The following CCSER1 variants were observed in gnomAD, a reference collection of about 807,000 sequenced individuals.
The protein encoded by CCSER1 is coiled-coil serine rich protein 1.
Under a neutral mutation model 82.0 loss-of-function variants are expected in CCSER1, and 41 were observed. The ratio of observed to expected loss-of-function variants is 0.50; its 90% CI spans 0.39 to 0.65. The LOEUF is 0.65. Ranked by LOEUF, CCSER1 falls within the 30% of genes least tolerant of loss-of-function variation. CCSER1 has a pLI of 0.00. For missense variants in CCSER1, 1,119 were observed against 1,064.2 expected (o/e 1.05, Z -0.72); for synonymous variants, 414 against 383.9 (o/e 1.08, Z -0.92).
rs763146569 is a variant in CCSER1 at position 90,623,304 on chromosome 4, G to A, written c.1725-4721G>A. ...CAACCTCGGCCTCCCAAAGTGCTGG[G>A]ATTACAGGCGTGAGCCACTGTGCCC... On this transcript the variant is annotated intron_variant, in intron 5 of 10. Transcript: ENST00000509176. Among the ~76,000 whole-genome samples, 29 of 152,146 alleles carry A rather than the reference G, an allele frequency of 1.9e-4. No individual in the cohort carries two copies. The Middle Eastern group carries it at 0.01, about 54-fold the overall frequency.
intron 10 of CCSER1, among the ~76,000 whole-genome samples, chr4:91,152,485 G>A (rs971971799): frequency 2.6e-5 from 4 of 152,114 alleles, no homozygotes; most frequent in African/African-American, 9.7e-5. Flanking sequence ...TTGCCAGTCT[G>A]TATCTTTTAA....
chr4:90,958,444 T>A (rs1051509670), intron 9 of CCSER1, among the ~76,000 whole-genome samples: 1 of 152,166 alleles, frequency 6.6e-6, no homozygotes, highest in Non-Finnish European at 1.5e-5. Flanking sequence ...TAAGGTTTCC[T>A]CTCTAGGGCT....
intron 1 of CCSER1, among the ~76,000 whole-genome samples, chr4:90,194,763 AC>A (rs1382637376): frequency 2.0e-5 from 3 of 152,116 alleles, no homozygotes; most frequent in Admixed American, 6.6e-5. Context: ...ATTGAAAAAA[AC>A]ATGCTAGCTT....
intron 5 of CCSER1, among the ~76,000 whole-genome samples, chr4:90,611,062 T>TTC (rs1785427104): frequency 7.7e-6 from 1 of 129,458 alleles, no homozygotes; most frequent in African/African-American, 3.2e-5. Context: ...TTCTTTTCTT[T>TTC]TTTTTTTTTT....
intron 9 of CCSER1, among the ~76,000 whole-genome samples, chr4:90,949,440 C>T (rs71611413): frequency 6.6e-6 from 1 of 151,876 alleles, no homozygotes; most frequent in African/African-American, 2.4e-5. Context: ...GAACATAATA[C>T]GGTAAATAGG....
chr4:91,371,094 C>A (rs1040408370), intron 10 of CCSER1, among the ~76,000 whole-genome samples: 1 of 152,078 alleles, frequency 6.6e-6, no homozygotes, highest in South Asian at 2.1e-4. Context: ...AACTCCTGAC[C>A]TCAGGTGATC....
At chr4:91,489,519 C>T (rs947186483) in intron 10 of CCSER1, among the ~76,000 whole-genome samples, 1 of 152,124 alleles carries the variant, frequency 6.6e-6, no homozygotes, top group African/African-American at 2.4e-5. Context: ...GATTAAGCTT[C>T]CTAGGCCGGG....
chr4:90,395,714 T>C (rs1390481857), intron 3 of CCSER1, among the ~76,000 whole-genome samples: 1 of 151,680 alleles, frequency 6.6e-6, no homozygotes, highest in African/African-American at 2.4e-5. Context: ...GTAATATGGG[T>C]GTCCTCTCAC....
chr4:90,254,358 T>A (rs1722898870), intron 1 of CCSER1, among the ~76,000 whole-genome samples: 1 of 152,114 alleles, frequency 6.6e-6, no homozygotes. Context: ...CTCTAATGAG[T>A]AGAATGCTTG....
intron 10 of CCSER1, among the ~76,000 whole-genome samples, chr4:91,438,515 A>G (rs548977591): frequency 6.6e-6 from 1 of 152,294 alleles, no homozygotes; most frequent in East Asian, 1.9e-4. Context: ...AAAGTAGATA[A>G]AACCACAAAG....
intron 10 of CCSER1, among the ~76,000 whole-genome samples, chr4:91,218,335 C>T (rs1468988392): frequency 6.6e-6 from 1 of 152,208 alleles, no homozygotes; most frequent in African/African-American, 2.4e-5. Flanking sequence ...AGCCCCGGTT[C>T]CTGCTCGTGC....
chr4:90,306,150 G>A (rs1016223017), intron 1 of CCSER1, among the ~76,000 whole-genome samples: 3 of 152,122 alleles, frequency 2.0e-5, no homozygotes, highest in African/African-American at 7.2e-5. Context: ...AAAGTAGAAT[G>A]GCTACCAGGC....
intron 1 of CCSER1, among the ~76,000 whole-genome samples, chr4:90,136,466 G>A (rs1723720213): frequency 1.3e-5 from 2 of 152,184 alleles, no homozygotes; most frequent in African/African-American, 4.8e-5. Flanking sequence ...AGACTAAGTT[G>A]TTGTATTTAT....
chr4:90,636,490 A>G (rs1725440910), intron 6 of CCSER1, among the ~76,000 whole-genome samples: 1 of 152,040 alleles, frequency 6.6e-6, no homozygotes, highest in Non-Finnish European at 1.5e-5. Context: ...AAAATTAGTA[A>G]ATACGTGTAG....
At chr4:90,458,188 G>A (rs1414416069) in intron 4 of CCSER1, among the ~76,000 whole-genome samples, 1 of 152,034 alleles carries the variant, frequency 6.6e-6, no homozygotes, top group Non-Finnish European at 1.5e-5. Flanking sequence ...GCTCTTAGGA[G>A]AGCCCCTCCA....
intron 10 of CCSER1, among the ~76,000 whole-genome samples, chr4:91,225,620 C>T (rs1330284666): frequency 1.3e-5 from 2 of 151,218 alleles, no homozygotes; most frequent in East Asian, 3.9e-4. Flanking sequence ...GTTAAGAACC[C>T]ACAAAGGAAG....
intron 1 of CCSER1, among the ~76,000 whole-genome samples, chr4:90,189,594 G>A (rs139525916): frequency 0.021 from 3,189 of 151,790 alleles, 42 homozygotes; most frequent in South Asian, 0.035. Context: ...TAGAGACGTT[G>A]TGTTTAATAT....
At chr4:90,646,999 G>A (rs192461140) in intron 6 of CCSER1, among the ~76,000 whole-genome samples, 136 of 152,092 alleles carry the variant, frequency 8.9e-4, no homozygotes, top group Non-Finnish European at 1.4e-3. Context: ...TGATAGCCCA[G>A]GATAAATGGT....
At chr4:90,539,126 A>G (rs1231102856) in intron 5 of CCSER1, among the ~76,000 whole-genome samples, 1 of 152,096 alleles carries the variant, frequency 6.6e-6, no homozygotes, top group Non-Finnish European at 1.5e-5. Context: ...AACTTATTAT[A>G]TCACAATTTT....
Sources: allele counts gnomAD v4.1 joint callset (sites outside exome capture counted in the v4.1 genomes callset), GRCh38; gene constraint gnomAD v4.1.1; transcripts MANE v1.5; gene names NCBI Gene and HGNC (gene_info 2026-07-23, HGNC 2026-07-21).